NTRK2: variants seen among roughly 807,000 people sequenced by gnomAD.
NTRK2 encodes neurotrophic receptor tyrosine kinase 2, also known as BDNF/NT-3 growth factors receptor.
A neutral mutation model predicts 94.5 loss-of-function variants in NTRK2; 13 were observed. The ratio of observed to expected loss-of-function variants is 0.14; its 90% CI spans 0.09 to 0.22. The LOEUF (loss-of-function observed/expected upper bound fraction) is 0.22, where lower values mean the gene tolerates loss of function less well. NTRK2 is among the 10% of genes least tolerant of loss of function. NTRK2 has a pLI of 1.00. For synonymous variants in NTRK2, 372 were observed against 407.4 expected, an observed-to-expected ratio of 0.91 and a Z score of 1.05; for missense variants, 639 against 1,071.2, an observed-to-expected ratio of 0.60 and a Z score of 5.63.
chr9:85,002,947 G>C (rs1159146480), intron 17 of NTRK2, among the ~76,000 whole-genome samples: 2 of 152,166 alleles, frequency 1.3e-5, no homozygotes, highest in African/African-American at 4.8e-5. Flanking sequence ...GAGGTGAGGG[G>C]CTCCAGTAGG....
chr9:85,011,724 C>T (rs996833627), intron 17 of NTRK2, among the ~76,000 whole-genome samples: 1 of 152,140 alleles, frequency 6.6e-6, no homozygotes, highest in Admixed American at 6.5e-5. Flanking sequence ...CCTGTGGCAG[C>T]CCAAGCTGAC....
At chr9:84,962,195 A>G (rs577224605) in intron 17 of NTRK2, among the ~76,000 whole-genome samples, 1 of 152,330 alleles carries the variant, frequency 6.6e-6, no homozygotes, top group East Asian at 1.9e-4. Flanking sequence ...AACAGATCCC[A>G]ACATCTTCAC....
intron 2 of NTRK2, among the ~76,000 whole-genome samples, chr9:84,676,517 C>T (rs2059064388): frequency 1.3e-5 from 2 of 152,154 alleles, no homozygotes; most frequent in South Asian, 4.1e-4. Context: ...ATCGGAACCT[C>T]AGAAAGAGAA....
chr9:84,792,632 A>G lies in NTRK2; in HGVS notation c.1396+40547A>G, dbSNP rs150378563. ...GCTAAGACAGTGGTCAAACGTAGACATTTTCATATGGTTCAGCCTAATACA... is the reference window on the plus strand; with the variant it reads ...GCTAAGACAGTGGTCAAACGTAGACGTTTTCATATGGTTCAGCCTAATACA... On this transcript the variant is annotated intron_variant, in intron 12 of 18. Coordinates refer to ENST00000277120, the MANE Select transcript of NTRK2 (RefSeq NM_006180.6). Among the ~76,000 whole-genome samples, 420 of 152,300 alleles carry G rather than the reference A, an allele frequency of 2.8e-3. 3 individuals are homozygous for G. The highest frequency in any genetic ancestry group is 9.7e-3 in the African/African-American group (405 of 41,558).
intron 4 of NTRK2, among the ~76,000 whole-genome samples, chr9:84,704,863 A>G (rs2060950175): frequency 6.6e-6 from 1 of 152,128 alleles, no homozygotes; most frequent in Non-Finnish European, 1.5e-5. Flanking sequence ...TTTTGAGAAC[A>G]GTAGGGAGGA....
At chr9:84,971,801 G>C (rs535146405) in intron 17 of NTRK2, among the ~76,000 whole-genome samples, 1 of 152,292 alleles carries the variant, frequency 6.6e-6, no homozygotes, top group Non-Finnish European at 1.5e-5. Context: ...CATAGATTCA[G>C]AGCAAAGTGA....
chr9:84,733,545 G>A (rs950760896), intron 9 of NTRK2, among the ~76,000 whole-genome samples: 1 of 152,154 alleles, frequency 6.6e-6, no homozygotes, highest in African/African-American at 2.4e-5. Context: ...TGGCAGGGGT[G>A]GGGTGCAGGA....
intron 6 of NTRK2, among the ~76,000 whole-genome samples, chr9:84,712,870 C>T (rs1288079665): frequency 6.6e-6 from 1 of 152,132 alleles, no homozygotes; most frequent in Non-Finnish European, 1.5e-5. Context: ...TTAAGTGTTC[C>T]ATATTGACGA....
intron 17 of NTRK2, among the ~76,000 whole-genome samples, chr9:85,007,536 G>T (rs574454067): frequency 6.6e-6 from 1 of 152,288 alleles, no homozygotes; most frequent in South Asian, 2.1e-4. Flanking sequence ...TGTTGCAGTA[G>T]CCCAGGGGAC....
At chr9:84,921,514 A>G (rs1185334261) in intron 14 of NTRK2, among the ~76,000 whole-genome samples, 3 of 152,178 alleles carry the variant, frequency 2.0e-5, no homozygotes, top group African/African-American at 7.2e-5. Flanking sequence ...AAAAAAATAC[A>G]TCTGGTGGCT....
intron 13 of NTRK2, among the ~76,000 whole-genome samples, chr9:84,865,684 T>C (rs2075559377): frequency 2.0e-5 from 3 of 152,372 alleles, no homozygotes; most frequent in African/African-American, 4.8e-5. Context: ...AATTCAGACA[T>C]TTCCCTGGCA....
chr9:84,961,073 G>A (rs1018924161), intron 17 of NTRK2, among the ~76,000 whole-genome samples: 5 of 152,242 alleles, frequency 3.3e-5, no homozygotes, highest in African/African-American at 7.2e-5. Context: ...CAACATTTTC[G>A]TTGCAGTGAA....
chr9:84,860,068 CT>C (rs1238263447), intron 12 of NTRK2, among the ~76,000 whole-genome samples: 2 of 152,198 alleles, frequency 1.3e-5, no homozygotes, highest in African/African-American at 4.8e-5. Context: ...GTGCAAAGTG[CT>C]TTTCTGTACA....
chr9:84,873,502 G>A (rs1564416246), intron 14 of NTRK2: 8 of 1,058,846 alleles, frequency 7.6e-6, no homozygotes, highest in Non-Finnish European at 8.0e-6. Context: ...TCAGTGCCAC[G>A]GCCCCCCCAT....
chr9:84,813,081 G>T (rs1237109639), intron 12 of NTRK2: 19 of 1,038,994 alleles, frequency 1.8e-5, no homozygotes, highest in Non-Finnish European at 1.9e-5. Context: ...GCTTCCTAAT[G>T]CATGTGTTGC....
intron 12 of NTRK2, among the ~76,000 whole-genome samples, chr9:84,769,735 C>T (rs530150116): frequency 1.3e-5 from 2 of 152,316 alleles, no homozygotes; most frequent in South Asian, 4.1e-4. Context: ...CAACGTTCTT[C>T]AGCAGAAAAC....
rs147794738 is a variant in NTRK2 at position 84,927,152 on chromosome 9, T to C, written c.1634-7010T>C. On this transcript the variant is annotated intron_variant, in intron 14 of 18. Transcript: ENST00000277120. The stretch of plus-strand genomic sequence containing the variant: ...GAGTAGCCAAAATTTTGTAAATTAT[T>C]GTGTTTTCTTTTTGGCTTCTCCTGC... 8.5e-5 allele frequency among the ~76,000 whole-genome samples: 13 copies of C among 152,352 alleles called. No homozygotes were observed. The East Asian group carries it at 2.5e-3, about 29-fold the overall frequency.
chr9:84,708,299 A>G (rs2061232545), intron 5 of NTRK2, among the ~76,000 whole-genome samples: 1 of 152,202 alleles, frequency 6.6e-6, no homozygotes, highest in South Asian at 2.1e-4. Flanking sequence ...AAGCAAACCC[A>G]TTCAAGGAGG....
At chr9:85,000,359 T>A (rs868635372) in intron 17 of NTRK2, among the ~76,000 whole-genome samples, 7 of 152,120 alleles carry the variant, frequency 4.6e-5, no homozygotes, top group Non-Finnish European at 8.8e-5. Flanking sequence ...CACAGAATAG[T>A]TTCACTGCCC....
Sources: allele counts gnomAD v4.1 joint callset (sites outside exome capture counted in the v4.1 genomes callset), GRCh38; gene constraint gnomAD v4.1.1; transcripts MANE v1.5; gene names NCBI Gene and HGNC (gene_info 2026-07-23, HGNC 2026-07-21).